SUPT3H: variants seen among roughly 807,000 people sequenced by gnomAD.
SUPT3H encodes the protein transcription initiation protein SPT3 homolog.
Under a neutral mutation model 44.3 loss-of-function variants are expected in SUPT3H, and 44 were observed. The ratio of observed to expected loss-of-function variants is 0.99; its 90% CI spans 0.78 to 1.28. The LOEUF is 1.28. Among genes scored for constraint, SUPT3H ranks in the 50% most tolerant of loss-of-function variants. The pLI, the probability that SUPT3H is intolerant of heterozygous loss-of-function variation, is 0.00. For synonymous variants in SUPT3H, 124 were observed against 125.6 expected, an observed-to-expected ratio of 0.99 and a Z score of 0.09; for missense variants, 380 against 387.1, an observed-to-expected ratio of 0.98 and a Z score of 0.15.
intron 10 of SUPT3H, among the ~76,000 whole-genome samples, chr6:44,895,307 T>C (rs1418803916): frequency 6.7e-6 from 1 of 149,494 alleles, no homozygotes. Flanking sequence ...TTGCCCAGGC[T>C]GGTCTCGAAC....
At chr6:44,974,555 T>C (rs148316061) in intron 6 of SUPT3H, among the ~76,000 whole-genome samples, 2,943 of 152,216 alleles carry the variant, frequency 0.019, 56 homozygotes, top group South Asian at 0.086. Flanking sequence ...GTGCTTCTGG[T>C]TTCAAAACAG....
intron 10 of SUPT3H, among the ~76,000 whole-genome samples, chr6:44,832,800 T>A (rs928302156): frequency 5.9e-5 from 9 of 152,094 alleles, no homozygotes; most frequent in African/African-American, 2.2e-4. Context: ...AGATACAGAT[T>A]TTACCTACTG....
intron 9 of SUPT3H, among the ~76,000 whole-genome samples, chr6:44,951,252 T>A (rs1033950931): frequency 7.3e-5 from 11 of 150,590 alleles, no homozygotes; most frequent in South Asian, 2.1e-4. Flanking sequence ...TTTTTTTTTT[T>A]AAACTTCTGT....
chr6:45,092,323 G>C (rs983639902), intron 3 of SUPT3H, among the ~76,000 whole-genome samples: 2 of 152,120 alleles, frequency 1.3e-5, no homozygotes. Context: ...ATTATTAGTT[G>C]AATTAGAAGT....
chr6:44,958,209 C>T (rs954342294), intron 7 of SUPT3H, among the ~76,000 whole-genome samples: 1 of 152,202 alleles, frequency 6.6e-6, no homozygotes, highest in African/African-American at 2.4e-5. Context: ...ACTTAAAAAG[C>T]AATTTTACAT....
intron 2 of SUPT3H, among the ~76,000 whole-genome samples, chr6:45,112,620 G>A (rs1433942556): frequency 1.3e-5 from 2 of 152,244 alleles, no homozygotes; most frequent in African/African-American, 4.8e-5. Flanking sequence ...GGCTGATTTA[G>A]AGGGGAAGTG....
chr6:45,358,272 T>G (rs1170911596), intron 2 of SUPT3H, among the ~76,000 whole-genome samples: 1 of 152,236 alleles, frequency 6.6e-6, no homozygotes, highest in Admixed American at 6.5e-5. Flanking sequence ...GGTAGCTGTT[T>G]GCTAAGTTTA....
intron 2 of SUPT3H, among the ~76,000 whole-genome samples, chr6:45,322,462 T>A (rs1562951835): frequency 1.3e-5 from 2 of 151,752 alleles, no homozygotes; most frequent in Non-Finnish European, 2.9e-5. Flanking sequence ...AAAGTAAAAT[T>A]AGTGCAAGTT....
At chr6:45,027,047 T>C (rs1276812166) in intron 3 of SUPT3H, among the ~76,000 whole-genome samples, 3 of 141,602 alleles carry the variant, frequency 2.1e-5, no homozygotes, top group Non-Finnish European at 4.5e-5. Flanking sequence ...TGGAGTGCAG[T>C]GGTGTGATCA....
chr6:45,113,465 C>T (rs1450336958), intron 2 of SUPT3H, among the ~76,000 whole-genome samples: 1 of 152,146 alleles, frequency 6.6e-6, no homozygotes, highest in East Asian at 1.9e-4. Flanking sequence ...TATGATTTTA[C>T]CCACCTGTTT....
intron 3 of SUPT3H, among the ~76,000 whole-genome samples, chr6:45,091,255 T>A (rs1231880859): frequency 6.6e-6 from 1 of 152,050 alleles, no homozygotes; most frequent in Non-Finnish European, 1.5e-5. Context: ...GACTTGAAAC[T>A]GAATTTGTAT....
At chr6:45,032,747 A>G (rs1787132070) in intron 3 of SUPT3H, among the ~76,000 whole-genome samples, 1 of 152,180 alleles carries the variant, frequency 6.6e-6, no homozygotes, top group African/African-American at 2.4e-5. Context: ...CATAGACCTA[A>G]GCACTCCCTT....
intron 3 of SUPT3H, among the ~76,000 whole-genome samples, chr6:45,027,496 G>T (rs988216123): frequency 5.3e-5 from 8 of 151,862 alleles, no homozygotes; most frequent in Non-Finnish European, 7.4e-5. Flanking sequence ...TTTTTTCTTG[G>T]CTTTGGGTCA....
At chr6:45,020,694 T>C in intron 3 of SUPT3H, 62 bp from the exon 4 acceptor site, 3 of 1,199,234 alleles carry the variant, frequency 2.5e-6, no homozygotes, top group South Asian at 1.3e-5. Flanking sequence ...AGTACAGTCA[T>C]GATGTCTCTA....
intron 2 of SUPT3H, among the ~76,000 whole-genome samples, chr6:45,216,652 A>G (rs1347932240): frequency 6.6e-6 from 1 of 152,246 alleles, no homozygotes; most frequent in Non-Finnish European, 1.5e-5. Flanking sequence ...AGCAGTAGCT[A>G]TATTTATATC....
chr6:45,241,026 G>A (rs980207574), intron 2 of SUPT3H, among the ~76,000 whole-genome samples: 1 of 152,184 alleles, frequency 6.6e-6, no homozygotes, highest in African/African-American at 2.4e-5. Flanking sequence ...CATTAAAAAG[G>A]ATAAAAACAC....
intron 2 of SUPT3H, among the ~76,000 whole-genome samples, chr6:45,173,196 C>T (rs1473358359): frequency 1.3e-5 from 2 of 152,222 alleles, no homozygotes; most frequent in African/African-American, 2.4e-5. Flanking sequence ...ATTCTTGTTT[C>T]TTCACATGGT....
At chr6:45,274,717 T>C (rs1335987261) in intron 2 of SUPT3H, among the ~76,000 whole-genome samples, 2 of 152,046 alleles carry the variant, frequency 1.3e-5, no homozygotes, top group Non-Finnish European at 2.9e-5. Flanking sequence ...CCTGTCTGTA[T>C]TAAAAATATT....
chr6:45,044,859 T>G lies in SUPT3H; in HGVS notation c.187-24227A>C, dbSNP rs185305711. Among the ~76,000 whole-genome samples, 17 of 152,314 alleles carry G rather than the reference T, an allele frequency of 1.1e-4. 1 individual carries two copies. The highest frequency in any genetic ancestry group is 1.6e-4 in the Non-Finnish European group (11 of 68,010). ...CTCTGGCCAACTGAGGAGTCAATTT[T>G]AAGCATGCAAACTGGGATTTCAGTT... On this transcript the variant is annotated intron_variant, in intron 3 of 10. Coordinates refer to ENST00000371459, the MANE Select transcript of SUPT3H (RefSeq NM_003599.4).
Sources: allele counts gnomAD v4.1 joint callset (sites outside exome capture counted in the v4.1 genomes callset), GRCh38; gene constraint gnomAD v4.1.1; transcripts MANE v1.5; gene names NCBI Gene and HGNC (gene_info 2026-07-23, HGNC 2026-07-21).